SNX18: variants seen among roughly 807,000 people sequenced by gnomAD.
SNX18 encodes the protein sorting nexin 18.
A neutral mutation model predicts 48.7 loss-of-function variants in SNX18; 35 were observed. That is an observed-to-expected ratio of 0.72 (90% CI 0.55 to 0.95). SNX18 has a LOEUF of 0.95. Among genes scored for constraint, SNX18 ranks in the 40% least tolerant of loss-of-function variants. SNX18 has a pLI of 0.00. For synonymous variants in SNX18, 492 were observed against 384.7 expected (o/e 1.28, Z -3.26); for missense variants, 824 against 871.0 (o/e 0.95, Z 0.68).
the SNX18 span, among the ~76,000 whole-genome samples, chr5:54,602,151 G>A: frequency 0.068 from 10,294 of 152,220 alleles, 437 homozygotes; most frequent in Middle Eastern, 0.13. Context: ...CAGTGATAAA[G>A]TGTTAGGAGA....
the SNX18 span, among the ~76,000 whole-genome samples, chr5:54,614,172 A>G: frequency 6.6e-6 from 1 of 152,336 alleles, no homozygotes; most frequent in South Asian, 2.1e-4. Context: ...CTGCCAGCCC[A>G]TTGGCCATCA....
the SNX18 span, among the ~76,000 whole-genome samples, chr5:54,572,108 C>G: frequency 1.3e-5 from 2 of 152,158 alleles, no homozygotes; most frequent in Non-Finnish European, 2.9e-5. Context: ...GTGCCAGCCT[C>G]CTTTTCACCT....
chr5:54,610,156 A>T, the SNX18 span, among the ~76,000 whole-genome samples: 1 of 152,286 alleles, frequency 6.6e-6, no homozygotes, highest in South Asian at 2.1e-4. Context: ...TTCTTTATAA[A>T]TTACCCAGTC....
the SNX18 span, among the ~76,000 whole-genome samples, chr5:54,568,468 A>C: frequency 6.6e-6 from 1 of 152,056 alleles, no homozygotes; most frequent in Non-Finnish European, 1.5e-5. Flanking sequence ...CTCAATGGGA[A>C]CCCCTACTTG....
At chr5:54,601,024 C>T in the SNX18 span, among the ~76,000 whole-genome samples, 8 of 152,136 alleles carry the variant, frequency 5.3e-5, no homozygotes, top group East Asian at 1.5e-3. Context: ...ACTATGGAAA[C>T]TTTGTTGTCC....
chr5:54,629,491 A>G, the SNX18 span, among the ~76,000 whole-genome samples: 1 of 152,220 alleles, frequency 6.6e-6, no homozygotes. Context: ...ATGAATCTGA[A>G]TAGATAACAA....
At chr5:54,521,027 A>G (rs1762022298) in intron 1 of SNX18, 1 of 162,294 alleles carries the variant, frequency 6.2e-6, no homozygotes, top group African/African-American at 2.4e-5. Context: ...TTTAAAACAT[A>G]AATTGTTATG....
intron 1 of SNX18, among the ~76,000 whole-genome samples, chr5:54,527,360 G>A (rs1391005155): frequency 2.6e-5 from 2 of 75,950 alleles, no homozygotes; most frequent in African/African-American, 1.1e-4. Context: ...CGGGGAGCCG[G>A]GGGGGGGGGT....
the SNX18 span, among the ~76,000 whole-genome samples, chr5:54,631,442 A>G: frequency 6.6e-6 from 1 of 151,978 alleles, no homozygotes; most frequent in Non-Finnish European, 1.5e-5. Flanking sequence ...ACAATTTGGT[A>G]ATGCTTTTTC....
the SNX18 span, among the ~76,000 whole-genome samples, chr5:54,596,805 G>T: frequency 2.0e-5 from 3 of 152,276 alleles, no homozygotes; most frequent in African/African-American, 7.2e-5. Flanking sequence ...CCTGCAGTAG[G>T]AATGGATGTG....
chr5:54,569,088 C>T, the SNX18 span, among the ~76,000 whole-genome samples: 1 of 151,972 alleles, frequency 6.6e-6, no homozygotes, highest in Non-Finnish European at 1.5e-5. Flanking sequence ...GGTGATCTAC[C>T]CACCTTAGCC....
chr5:54,574,030 A>G, the SNX18 span, among the ~76,000 whole-genome samples: 7 of 152,174 alleles, frequency 4.6e-5, no homozygotes, highest in Admixed American at 2.0e-4. Context: ...TCATTTTCCC[A>G]TGAATCTACA....
chr5:54,581,347 T>A, the SNX18 span, among the ~76,000 whole-genome samples: 81 of 152,272 alleles, frequency 5.3e-4, no homozygotes, highest in Non-Finnish European at 1.1e-3. Flanking sequence ...AGCAATTGTC[T>A]AGGAAAACAA....
the SNX18 span, among the ~76,000 whole-genome samples, chr5:54,606,744 T>C: frequency 9.9e-5 from 15 of 152,234 alleles, no homozygotes; most frequent in Non-Finnish European, 1.9e-4. Flanking sequence ...AAAACATTAG[T>C]ATAATATCAC....
chr5:54,517,910 CGG>C lies in SNX18; in HGVS notation c.-41_-40del. Reference sequence around the variant, plus strand: ...CGGGCCCCTCAGGTGGGCCTCGGCTCGGGACGCCGGGAGTCGGGACCGCCAGT... The same window carrying C: ...CGGGCCCCTCAGGTGGGCCTCGGCTCGACGCCGGGAGTCGGGACCGCCAGT... On this transcript the variant is annotated 5_prime_UTR_variant, in exon 1 of 2. Transcript: ENST00000381410. The C allele has an allele frequency of 6.8e-7, 1 of 1,468,872 alleles. No homozygotes were observed. The allele number at this position is 1,468,872 out of a possible 1,614,324, so 91.0% of individuals were successfully genotyped here.
chr5:54,598,083 C>A, the SNX18 span, among the ~76,000 whole-genome samples: 1 of 151,518 alleles, frequency 6.6e-6, no homozygotes, highest in Non-Finnish European at 1.5e-5. Flanking sequence ...AGAAATACAA[C>A]TATCCGAGAA....
the SNX18 span, among the ~76,000 whole-genome samples, chr5:54,603,578 G>A: frequency 1.3e-5 from 2 of 152,080 alleles, no homozygotes; most frequent in African/African-American, 2.4e-5. Context: ...TTTTTCAGCT[G>A]TTTTTGCTTC....
chr5:54,533,277 C>T (rs1381715792), intron 1 of SNX18, among the ~76,000 whole-genome samples: 1 of 152,186 alleles, frequency 6.6e-6, no homozygotes, highest in Admixed American at 6.5e-5. Flanking sequence ...TTAGTCCATT[C>T]AGAAAATTGC....
rs1268093418 is a variant in SNX18 at position 54,517,762 on chromosome 5, C to CGGCGCTGCGAAGTGGA, written c.-180_-165dup. ...GGCTGCGGCGGCCCAGCGCGGCAGT[C>CGGCGCTGCGAAGTGGA]GGCGCTGCGAAGTGGAGGCGCTGCG... is the stretch of plus-strand genomic sequence containing the variant. On this transcript the variant is annotated 5_prime_UTR_variant, in exon 1 of 2. Coordinates refer to ENST00000381410, the MANE Select transcript of SNX18 (RefSeq NM_001102575.2). 10 of 386,220 alleles carry CGGCGCTGCGAAGTGGA rather than the reference C, an allele frequency of 2.6e-5. No individual in the cohort carries two copies. The highest frequency in any genetic ancestry group is 5.2e-5 in the East Asian group (1 of 19,154). The allele number at this position is 386,220 out of a possible 1,614,324, so 23.9% of individuals were successfully genotyped here.
Sources: gnomAD v4.1 joint callset for allele counts (sites outside exome capture counted in the v4.1 genomes callset) on GRCh38, gnomAD v4.1.1 for gene constraint, MANE v1.5 for transcripts, NCBI Gene and HGNC (gene_info 2026-07-23, HGNC 2026-07-21) for gene names.